The following ANK3 variants were observed in gnomAD, a reference collection of about 807,000 sequenced individuals.
ANK3 encodes ankyrin-3.
In ANK3, 57 loss-of-function variants were observed where a neutral mutation model predicts 370.9. The ratio of observed to expected loss-of-function variants is 0.15; its 90% CI spans 0.12 to 0.19. ANK3 has a LOEUF of 0.19. Ranked by LOEUF, ANK3 falls within the 10% of genes least tolerant of loss-of-function variation. ANK3 has a pLI of 1.00. For missense variants in ANK3, 4,439 were observed against 5,302.1 expected (o/e 0.84, Z 5.06); for synonymous variants, 1,929 against 1,946.3 (o/e 0.99, Z 0.23).
chr10:60,602,717 A>T (rs1215338033), intron 2 of ANK3, among the ~76,000 whole-genome samples: 4 of 152,064 alleles, frequency 2.6e-5, no homozygotes, highest in African/African-American at 9.7e-5. Context: ...CATTATAAAT[A>T]CGGGCATGAT....
intron 17 of ANK3, among the ~76,000 whole-genome samples, chr10:60,183,812 T>C (rs1019880429): frequency 6.6e-6 from 1 of 151,050 alleles, no homozygotes; most frequent in Non-Finnish European, 1.5e-5. Flanking sequence ...GAGCCAAGAT[T>C]GCATCATTGC....
chr10:60,171,844 C>T (rs1231323692), intron 21 of ANK3, among the ~76,000 whole-genome samples: 2 of 152,122 alleles, frequency 1.3e-5, no homozygotes, highest in African/African-American at 4.8e-5. Flanking sequence ...CAGTTCTGAT[C>T]CCATCTGGAA....
Position 60,075,421 on chromosome 10 carries a change from T to C in ANK3, c.5460A>G (p.Ile1820Met), listed in dbSNP as rs2083562508. The C allele has an allele frequency of 3.1e-6, 5 of 1,613,508 alleles. No individual in the cohort carries two copies. The East Asian group carries it at 8.9e-5, about 29-fold the overall frequency. Residue 1820 changes from isoleucine to methionine, a missense_variant, in exon 37 of 44, where the codon ATA becomes ATG. By Grantham distance (10) the Ile-to-Met change is conservative. Around this residue, in one of 13 missense-constraint regions of ANK3, gnomAD observed 679 missense variants for 791.0 expected, o/e 0.86. Transcript: ENST00000280772. ...TGACTACAGAGTATACTGGCACTGTTATAATTGATGAAGTTACAGATGAGG... is the reference window on the plus strand; with the variant it reads ...TGACTACAGAGTATACTGGCACTGTCATAATTGATGAAGTTACAGATGAGG... ...ATTSSVTSSIITVPVYSVVNV... is the reference protein window; with the variant it reads ...ATTSSVTSSIMTVPVYSVVNV...
intron 23 of ANK3, among the ~76,000 whole-genome samples, chr10:60,142,803 G>T (rs1233774354): frequency 2.0e-5 from 3 of 152,106 alleles, no homozygotes; most frequent in Non-Finnish European, 4.4e-5. Flanking sequence ...TTTCTTAAAA[G>T]ACATGGAATT....
intron 43 of ANK3, among the ~76,000 whole-genome samples, chr10:60,040,235 G>A (rs972267952): frequency 2.0e-5 from 3 of 151,564 alleles, no homozygotes; most frequent in African/African-American, 7.3e-5. Flanking sequence ...TACAAATTTT[G>A]ATGTTACCAT....
chr10:60,214,629 GTGTT>G (rs1308105169), intron 8 of ANK3, among the ~76,000 whole-genome samples: 2 of 152,042 alleles, frequency 1.3e-5, no homozygotes, highest in African/African-American at 4.8e-5. Flanking sequence ...TTCTGTTCCC[GTGTT>G]TGTTTGCTGA....
chr10:60,326,876 T>C (rs2050016478), intron 1 of ANK3, among the ~76,000 whole-genome samples: 1 of 66,364 alleles, frequency 1.5e-5, no homozygotes, highest in African/African-American at 4.7e-5. Flanking sequence ...AAAAAATTAG[T>C]CGGGTGCGGT....
At chr10:60,124,362 G>C (rs1478375746) in intron 25 of ANK3, among the ~76,000 whole-genome samples, 1 of 151,908 alleles carries the variant, frequency 6.6e-6, no homozygotes, top group Non-Finnish European at 1.5e-5. Context: ...TTTTAGTAGA[G>C]ATGGGGTTTC....
Position 60,152,209 on chromosome 10 carries a change from A to T in ANK3, c.2615-13122T>A, listed in dbSNP as rs1399975019. 5.3e-5 allele frequency among the ~76,000 whole-genome samples: 8 copies of T among 152,242 alleles called. No homozygotes were observed. The East Asian group carries it at 1.5e-3, about 29-fold the overall frequency. ...ACTAGTCTAGTTTGAAAGAAAATATAAAAAACTAACCATGAGTTGGCAAAC... is the reference window on the plus strand; with the variant it reads ...ACTAGTCTAGTTTGAAAGAAAATATTAAAAACTAACCATGAGTTGGCAAAC... On this transcript the variant is annotated intron_variant, in intron 23 of 43. Transcript: ENST00000280772.
chr10:60,451,552 A>G (rs1444960177), intron 2 of ANK3, among the ~76,000 whole-genome samples: 6 of 152,204 alleles, frequency 3.9e-5, no homozygotes, highest in Non-Finnish European at 7.3e-5. Flanking sequence ...GCTTCACGCT[A>G]GGGAGAAGCA....
intron 1 of ANK3, among the ~76,000 whole-genome samples, chr10:60,367,392 T>C (rs2059532853): frequency 6.6e-6 from 1 of 152,260 alleles, no homozygotes; most frequent in Non-Finnish European, 1.5e-5. Flanking sequence ...ACTATCTTTA[T>C]AGGACTCTAT....
At chr10:60,731,540 C>T (rs1422776442) in intron 1 of ANK3, among the ~76,000 whole-genome samples, 1 of 152,246 alleles carries the variant, frequency 6.6e-6, no homozygotes, top group Non-Finnish European at 1.5e-5. Context: ...GATTTGAGAA[C>T]TAAGAGAAGT....
Position 60,074,339 on chromosome 10 carries a change from C to T in ANK3, c.6542G>A (p.Gly2181Glu). 1.2e-6 allele frequency: 2 copies of T among 1,613,948 alleles called. No individual in the cohort carries two copies. The highest frequency in any genetic ancestry group is 1.7e-6 in the Non-Finnish European group (2 of 1,179,962). ...HVIRSYDPSAGDVPQTQPEEP... is the reference protein window; with the variant it reads ...HVIRSYDPSAEDVPQTQPEEP... ...CTCTGGTTGGGTCTGGGGAACATCC[C>T]CAGCTGAGGGATCATAGCTCCTGAT... The change falls in exon 37 of 44, where the codon GGG (glycine) becomes GAG (glutamate). Residue 2181 changes from glycine to glutamate, a missense_variant. Physicochemically the swap from Gly to Glu is moderately conservative, Grantham distance 98. Coordinates refer to ENST00000280772, the MANE Select transcript of ANK3 (RefSeq NM_020987.5).
intron 1 of ANK3, among the ~76,000 whole-genome samples, chr10:60,290,408 T>TG (rs1465457352): frequency 6.6e-6 from 1 of 151,868 alleles, no homozygotes; most frequent in Non-Finnish European, 1.5e-5. Flanking sequence ...ATTCTTTTTT[T>TG]TTACTTAACT....
At chr10:60,078,892 C>T (rs1307857171) in intron 36 of ANK3, among the ~76,000 whole-genome samples, 1 of 152,164 alleles carries the variant, frequency 6.6e-6, no homozygotes, top group African/African-American at 2.4e-5. Context: ...AGTCCAGGAA[C>T]ACAAGCTGCA....
chr10:60,079,055 C>T (rs1471290368), intron 36 of ANK3, among the ~76,000 whole-genome samples: 7 of 152,114 alleles, frequency 4.6e-5, no homozygotes, highest in African/African-American at 1.4e-4. Context: ...CAAAGCTTAA[C>T]GATGTTGCCT....
chr10:60,522,346 C>CG (rs2076366816), intron 2 of ANK3, among the ~76,000 whole-genome samples: 1 of 144,686 alleles, frequency 6.9e-6, no homozygotes, highest in African/African-American at 2.5e-5. Context: ...CATATTGAGA[C>CG]TTTTTTTTTT....
At chr10:60,657,476 C>T (rs966976721) in intron 1 of ANK3, among the ~76,000 whole-genome samples, 2 of 152,070 alleles carry the variant, frequency 1.3e-5, no homozygotes, top group Non-Finnish European at 2.9e-5. Flanking sequence ...TCTTCTTTGA[C>T]CTATGGTTAA....
At position 60,102,759 on chromosome 10, in the gene ANK3, C is replaced by T. The variant is rs369369820; in HGVS notation, c.3328+3146G>A. ...AGTTTTAAGATTTTCAGAGAAGAAC[C>T]TACAACAGGACTGGTTATAAAAGTG... On this transcript the variant is annotated intron_variant, in intron 28 of 43. Transcript: ENST00000280772. Among the ~76,000 whole-genome samples the T allele has an allele frequency of 3.3e-5, 5 of 152,106 alleles. No homozygotes were observed. In the East Asian group the frequency reaches 5.8e-4, roughly 18 times the overall value.
Sources: gnomAD v4.1 joint callset for allele counts (sites outside exome capture counted in the v4.1 genomes callset) on GRCh38, gnomAD v4.1.1 for gene constraint, gnomAD v4.1.1 regional missense constraint, MANE v1.5 for transcripts, NCBI Gene and HGNC (gene_info 2026-07-23, HGNC 2026-07-21) for gene names.